The following MDGA2 variants were observed in gnomAD, a reference collection of about 807,000 sequenced individuals.
MDGA2 encodes MAM domain containing glycosylphosphatidylinositol anchor 2.
In MDGA2, 40 loss-of-function variants were observed where a neutral mutation model predicts 117.8. The ratio of observed to expected loss-of-function variants is 0.34; its 90% CI spans 0.26 to 0.44. The LOEUF (loss-of-function observed/expected upper bound fraction) is 0.44. Among genes scored for constraint, MDGA2 ranks in the 20% least tolerant of loss-of-function variants. MDGA2 has a pLI of 1.00. For synonymous variants in MDGA2, 452 were observed against 439.0 expected (o/e 1.03, Z -0.37); for missense variants, 1,123 against 1,250.6 (o/e 0.90, Z 1.54).
intron 3 of MDGA2, among the ~76,000 whole-genome samples, chr14:47,186,171 T>C (rs980069644): frequency 6.6e-6 from 1 of 151,524 alleles, no homozygotes; most frequent in Non-Finnish European, 1.5e-5. Context: ...TTGAGAAAAA[T>C]ATCTAAATAA....
At chr14:47,299,514 T>G (rs1379712520) in intron 2 of MDGA2, 1 of 152,200 alleles carries the variant, frequency 6.6e-6, no homozygotes, top group Non-Finnish European at 1.5e-5. Context: ...ATCCCAACTT[T>G]TGATTCTGAA....
At chr14:46,955,450 T>C (rs1885528270) in intron 9 of MDGA2, among the ~76,000 whole-genome samples, 1 of 152,126 alleles carries the variant, frequency 6.6e-6, no homozygotes, top group African/African-American at 2.4e-5. Context: ...TTTAGTATTA[T>C]AGTTAATTAT....
chr14:47,053,654 T>TAC lies in MDGA2; in HGVS notation c.1525+7593_1525+7594dup, dbSNP rs746996959. On this transcript the variant is annotated intron_variant, in intron 7 of 16. Transcript: ENST00000399232. The stretch of plus-strand genomic sequence containing the variant: ...ATATATATATATATATATATATATA[T>TAC]ACACACACACACACACATATATATA... Among the ~76,000 whole-genome samples, 427 of 66,974 alleles carry TAC rather than the reference T, an allele frequency of 6.4e-3. 1 individual carries two copies. Among genetic ancestry groups the TAC allele is most frequent in the Middle Eastern group, 0.011 (1 of 94 alleles). The allele number at this position is 66,974 out of a possible 152,430, so 43.9% of individuals were successfully genotyped here.
chr14:46,950,535 A>C (rs1885335913), intron 9 of MDGA2, among the ~76,000 whole-genome samples: 1 of 151,976 alleles, frequency 6.6e-6, no homozygotes, highest in Non-Finnish European at 1.5e-5. Context: ...AAGCTGGCTA[A>C]AATACTGGGA....
At chr14:47,533,128 TG>T in intron 1 of MDGA2, among the ~76,000 whole-genome samples, 1 of 152,332 alleles carries the variant, frequency 6.6e-6, no homozygotes, top group South Asian at 2.1e-4. Context: ...AGACCAGAGA[TG>T]GTTCTATTGA....
At chr14:47,050,325 A>G (rs1889412698) in intron 7 of MDGA2, among the ~76,000 whole-genome samples, 1 of 152,082 alleles carries the variant, frequency 6.6e-6, no homozygotes, top group South Asian at 2.1e-4. Flanking sequence ...TCAGTGAAAT[A>G]CCAACTGTAA....
intron 1 of MDGA2, among the ~76,000 whole-genome samples, chr14:47,638,272 A>C (rs985479746): frequency 3.3e-5 from 5 of 152,218 alleles, no homozygotes; most frequent in African/African-American, 1.2e-4. Flanking sequence ...GAGCAGTAGG[A>C]GTAACAGGCA....
intron 5 of MDGA2, 143 bp from the exon 6 acceptor site, chr14:47,097,266 T>G (rs1428631451): frequency 2.6e-6 from 2 of 765,916 alleles, no homozygotes; most frequent in East Asian, 5.3e-5. Flanking sequence ...TTACTCAAAT[T>G]TAAACAAGAT....
At chr14:47,382,144 T>A (rs566371863) in intron 1 of MDGA2, among the ~76,000 whole-genome samples, 7 of 152,314 alleles carry the variant, frequency 4.6e-5, no homozygotes, top group Admixed American at 4.6e-4. Context: ...GAAAACTGGC[T>A]AGCCATACGT....
chr14:47,415,461 G>A (rs1232961705), intron 1 of MDGA2, among the ~76,000 whole-genome samples: 2 of 152,076 alleles, frequency 1.3e-5, no homozygotes, highest in Non-Finnish European at 2.9e-5. Context: ...TAGAGAGGGA[G>A]AGATCACATT....
intron 3 of MDGA2, among the ~76,000 whole-genome samples, chr14:47,194,854 T>C (rs1240004794): frequency 6.6e-6 from 1 of 152,032 alleles, no homozygotes; most frequent in African/African-American, 2.4e-5. Context: ...AAATAGGAAA[T>C]CTGAGTTTAA....
intron 1 of MDGA2, among the ~76,000 whole-genome samples, chr14:47,537,538 C>T (rs911801240): frequency 8.7e-6 from 1 of 115,384 alleles, no homozygotes; most frequent in African/African-American, 3.3e-5. Flanking sequence ...AGAGGAAACC[C>T]AGGGCTGCTA....
intron 1 of MDGA2, among the ~76,000 whole-genome samples, chr14:47,597,646 A>G (rs1203210285): frequency 6.6e-6 from 1 of 152,136 alleles, no homozygotes; most frequent in African/African-American, 2.4e-5. Flanking sequence ...AGTCATTTGA[A>G]TCACAATAGA....
At chr14:47,067,560 T>A (rs1351449640) in intron 6 of MDGA2, among the ~76,000 whole-genome samples, 1 of 152,074 alleles carries the variant, frequency 6.6e-6, no homozygotes, top group Non-Finnish European at 1.5e-5. Flanking sequence ...TTCAGATTCA[T>A]CTAATAAACT....
intron 7 of MDGA2, among the ~76,000 whole-genome samples, chr14:47,042,106 A>C (rs1437779601): frequency 6.6e-6 from 1 of 152,074 alleles, no homozygotes; most frequent in Non-Finnish European, 1.5e-5. Context: ...TTTATAAAAG[A>C]TATGTATGTT....
chr14:47,400,724 CTT>C (rs111345438), intron 1 of MDGA2, among the ~76,000 whole-genome samples: 1 of 129,158 alleles, frequency 7.7e-6, no homozygotes, highest in Non-Finnish European at 1.7e-5. Flanking sequence ...AGTGGTAAGG[CTT>C]TTTTTTTTTT....
At chr14:47,064,669 G>C (rs1639369523) in intron 6 of MDGA2, among the ~76,000 whole-genome samples, 1 of 151,978 alleles carries the variant, frequency 6.6e-6, no homozygotes, top group Non-Finnish European at 1.5e-5. Context: ...GAAGGTGATA[G>C]AGTTAGGCTC....
chr14:47,163,922 C>A (rs1883751308), intron 3 of MDGA2, among the ~76,000 whole-genome samples: 2 of 152,314 alleles, frequency 1.3e-5, no homozygotes, highest in South Asian at 2.1e-4. Context: ...CACACCCTGG[C>A]TGCAAAAGAG....
At chr14:47,108,671 T>C (rs1880870569) in intron 5 of MDGA2, among the ~76,000 whole-genome samples, 1 of 152,178 alleles carries the variant, frequency 6.6e-6, no homozygotes, top group African/African-American at 2.4e-5. Flanking sequence ...GCTGACTCTC[T>C]TTTCGGACTC....
Sources: allele counts gnomAD v4.1 joint callset (sites outside exome capture counted in the v4.1 genomes callset), GRCh38; gene constraint gnomAD v4.1.1; transcripts MANE v1.5; gene names NCBI Gene and HGNC (gene_info 2026-07-23, HGNC 2026-07-21).